STAU1: variants seen among roughly 807,000 people sequenced by gnomAD.
The protein encoded by STAU1 is staufen double-stranded RNA binding protein 1.
STAU1 carries 13 observed loss-of-function variants against 62.9 expected under a neutral mutation model. The ratio of observed to expected loss-of-function variants is 0.21; its 90% CI spans 0.13 to 0.33. The LOEUF is 0.33. STAU1 is among the 10% of genes least tolerant of loss of function. The pLI is 1.00. For missense variants in STAU1, 571 were observed against 712.1 expected (o/e 0.80, Z 2.25); for synonymous variants, 269 against 265.1 (o/e 1.01, Z -0.14).
At chr20:49,218,966 T>C in the STAU1 span, among the ~76,000 whole-genome samples, 1 of 132,162 alleles carries the variant, frequency 7.6e-6, no homozygotes, top group African/African-American at 3.0e-5. Context: ...CAGTGATCCA[T>C]GATCTCCACT....
chr20:49,157,532 T>C (rs1600776684), intron 3 of STAU1, among the ~76,000 whole-genome samples: 1 of 151,668 alleles, frequency 6.6e-6, no homozygotes, highest in South Asian at 2.1e-4. Flanking sequence ...CAGGCTGGAG[T>C]GTAGTGGCAT....
rs183872394 is a variant in STAU1, at chr20:49,140,347, C to T, written c.511-4416G>A. 4.8e-3 allele frequency among the ~76,000 whole-genome samples: 724 copies of T among 152,248 alleles called. 3 individuals carry two copies. Among genetic ancestry groups the T allele is most frequent in the African/African-American group, 0.017 (686 of 41,530 alleles). On this transcript the variant is annotated intron_variant, in intron 5 of 13. Coordinates refer to ENST00000371856, the MANE Select transcript of STAU1 (RefSeq NM_017453.4). ...AGACCTGAAAGTAGCAACTTGAACA[C>T]ATTTTTATACACCAGGGTTCACAGC...
In STAU1 at chr20:49,166,232, G is replaced by T. The variant is rs546185790; in HGVS notation, c.-31C>A. 6.2e-7 allele frequency: 1 copy of T among 1,602,842 alleles called. No homozygotes were observed. Among genetic ancestry groups the T allele is most frequent in the African/African-American group, 1.3e-5 (1 of 74,798 alleles). ...CTTTCAACAAAAGTGAACAAATGCA[G>T]GTAAACAGCTTTCAGTGCAGGTTAA... On this transcript the variant is annotated 5_prime_UTR_variant, in exon 3 of 14. In the 5' UTR this introduces an upstream ATG that the reference lacks. Transcript: ENST00000371856.
intron 6 of STAU1, among the ~76,000 whole-genome samples, chr20:49,132,108 G>A (rs571860892): frequency 6.6e-6 from 1 of 152,104 alleles, no homozygotes; most frequent in East Asian, 1.9e-4. Flanking sequence ...AGGAGCAGAG[G>A]TGTGGGAAGG....
chr20:49,191,777 G>A (rs1301793917), upstream of STAU1, among the ~76,000 whole-genome samples: 3 of 152,148 alleles, frequency 2.0e-5, no homozygotes, highest in South Asian at 6.2e-4. Context: ...GGGGCCGGGC[G>A]CAGTGGCTTA....
intron 2 of STAU1, among the ~76,000 whole-genome samples, chr20:49,172,458 C>T (rs2093609315): frequency 6.6e-6 from 1 of 152,100 alleles, no homozygotes; most frequent in South Asian, 2.1e-4. Context: ...AAAATGAATA[C>T]CTGTTCATGA....
intron 3 of STAU1, among the ~76,000 whole-genome samples, chr20:49,165,557 A>G (rs1013772134): frequency 1.3e-5 from 2 of 150,006 alleles, no homozygotes; most frequent in Non-Finnish European, 3.0e-5. Flanking sequence ...GCTGGTCTCA[A>G]ACTCCTGACC....
intron 1 of STAU1, among the ~76,000 whole-genome samples, chr20:49,174,736 G>C (rs1413561391): frequency 6.6e-6 from 1 of 152,134 alleles, no homozygotes; most frequent in Non-Finnish European, 1.5e-5. Flanking sequence ...AGGAGATCGA[G>C]ACCATCCTGG....
intron 5 of STAU1, among the ~76,000 whole-genome samples, chr20:49,137,835 T>TA (rs1377341100): frequency 2.4e-4 from 32 of 135,662 alleles, no homozygotes; most frequent in African/African-American, 1.1e-3. Context: ...CCGGCTAATT[T>TA]TTTTTTTTTT....
intron 5 of STAU1, among the ~76,000 whole-genome samples, chr20:49,140,978 T>C (rs1383137243): frequency 1.6e-5 from 2 of 127,848 alleles, no homozygotes; most frequent in Non-Finnish European, 3.3e-5. Flanking sequence ...ATAGATGATC[T>C]GTTTAAAAAA....
chr20:49,155,225 A>C (rs1427498055), intron 3 of STAU1, among the ~76,000 whole-genome samples: 1 of 152,238 alleles, frequency 6.6e-6, no homozygotes, highest in Non-Finnish European at 1.5e-5. Flanking sequence ...TTCTCTTCAC[A>C]GAAGTCACAC....
chr20:49,199,362 C>T, the STAU1 span, among the ~76,000 whole-genome samples: 12 of 150,258 alleles, frequency 8.0e-5, no homozygotes, highest in Non-Finnish European at 1.8e-4. Context: ...TCCCGAGTAG[C>T]TGGGACTACA....
chr20:49,193,299 C>T (rs191750408), upstream of STAU1, among the ~76,000 whole-genome samples: 183 of 152,168 alleles, frequency 1.2e-3, 2 homozygotes, highest in Non-Finnish European at 1.5e-3. Flanking sequence ...ATCGCTTGAA[C>T]CCAGGAAGTG....
At chr20:49,156,880 T>A (rs1339534913) in intron 3 of STAU1, among the ~76,000 whole-genome samples, 2 of 11,496 alleles carry the variant, frequency 1.7e-4, no homozygotes, top group East Asian at 6.9e-4. Flanking sequence ...GCACTGAAAT[T>A]TTTTTTTTTT....
At chr20:49,134,978 C>G (rs1319054819) in intron 6 of STAU1, 2 of 1,602,664 alleles carry the variant, frequency 1.2e-6, no homozygotes, top group Non-Finnish European at 1.7e-6. Flanking sequence ...TGTGAAGAGA[C>G]AGTTCATGAA....
At chr20:49,134,455 G>T in intron 6 of STAU1, 2 of 600,650 alleles carry the variant, frequency 3.3e-6, no homozygotes, top group Non-Finnish European at 2.9e-6. Flanking sequence ...AAAAAGCTCT[G>T]GGTTGAAACC....
At chr20:49,195,561 AGAT>A in the STAU1 span, among the ~76,000 whole-genome samples, 8 of 107,870 alleles carry the variant, frequency 7.4e-5, 1 homozygote, top group Admixed American at 4.2e-4. Flanking sequence ...AAAAAAAAAA[AGAT>A]AGCAACAGAC....
At chr20:49,126,588 C>CAAAAAAAAAACAAAACAAACA (rs1568835758) in intron 6 of STAU1, among the ~76,000 whole-genome samples, 1 of 56,348 alleles carries the variant, frequency 1.8e-5, no homozygotes, top group African/African-American at 6.4e-5. Context: ...AAAAAAAAAA[C>CAAAAAAAAAACAAAACAAACA]AAAAAAAAAA....
chr20:49,172,586 A>G (rs2093610957), intron 2 of STAU1, among the ~76,000 whole-genome samples: 1 of 152,200 alleles, frequency 6.6e-6, no homozygotes, highest in African/African-American at 2.4e-5. Flanking sequence ...GTAATCTGTA[A>G]CCATGTGCCA....
Sources: gnomAD v4.1 joint callset for allele counts (sites outside exome capture counted in the v4.1 genomes callset) on GRCh38, gnomAD v4.1.1 for gene constraint, MANE v1.5 for transcripts, NCBI Gene and HGNC (gene_info 2026-07-23, HGNC 2026-07-21) for gene names.